UPP2: variants seen among roughly 807,000 people sequenced by gnomAD.
UPP2 encodes UPase 2.
Under a neutral mutation model 26.7 loss-of-function variants are expected in UPP2, and 23 were observed. That is an observed-to-expected ratio of 0.86 (90% CI 0.62 to 1.22). The LOEUF is 1.22. Ranked by LOEUF, UPP2 falls within the 50% of genes most tolerant of loss-of-function variation. The probability of loss-of-function intolerance (pLI) is 0.00; values close to 1 mark genes in which losing one functional copy is unlikely to be tolerated. For synonymous variants in UPP2, 127 were observed against 141.3 expected, an observed-to-expected ratio of 0.90 and a Z score of 0.72; for missense variants, 387 against 396.7, an observed-to-expected ratio of 0.98 and a Z score of 0.21.
At chr2:158,094,488 A>G (rs540483516) in intron 3 of UPP2, among the ~76,000 whole-genome samples, 3 of 152,358 alleles carry the variant, frequency 2.0e-5, no homozygotes, top group Non-Finnish European at 4.4e-5. Context: ...TTGAAAAGTC[A>G]TGACATGCCT....
At chr2:158,093,135 G>C (rs1030577945) in intron 3 of UPP2, among the ~76,000 whole-genome samples, 5 of 152,070 alleles carry the variant, frequency 3.3e-5, no homozygotes, top group Non-Finnish European at 5.9e-5. Flanking sequence ...TGGCTAGGCT[G>C]GTCTCAAACT....
chr2:158,124,578 C>T (rs191222539), intron 6 of UPP2, among the ~76,000 whole-genome samples: 5 of 152,192 alleles, frequency 3.3e-5, no homozygotes, highest in Admixed American at 1.3e-4. Flanking sequence ...TGGGAAGACC[C>T]GAATGGGGTC....
At chr2:158,075,340 AT>A (rs1682613667) in intron 3 of UPP2, among the ~76,000 whole-genome samples, 1 of 152,128 alleles carries the variant, frequency 6.6e-6, no homozygotes, top group South Asian at 2.1e-4. Context: ...TTTTAGTGTA[AT>A]AAAAATGTGA....
chr2:157,998,443 C>T (rs942498719), intron 2 of UPP2, among the ~76,000 whole-genome samples: 1 of 152,192 alleles, frequency 6.6e-6, no homozygotes, highest in Admixed American at 6.5e-5. Context: ...ATGTTGCCCA[C>T]TTAGATGGGC....
At chr2:158,015,334 A>G (rs1000170610) in intron 2 of UPP2, among the ~76,000 whole-genome samples, 4 of 152,198 alleles carry the variant, frequency 2.6e-5, no homozygotes, top group African/African-American at 9.7e-5. Context: ...ATCATACAGT[A>G]TTGATCTTTT....
intron 6 of UPP2, among the ~76,000 whole-genome samples, chr2:158,127,391 G>A (rs576888663): frequency 2.9e-4 from 44 of 152,112 alleles, no homozygotes; most frequent in Non-Finnish European, 4.3e-4. Flanking sequence ...GTTTGTCATT[G>A]CTGTATCCCC....
chr2:158,123,121 G>A (rs908360236), intron 5 of UPP2, among the ~76,000 whole-genome samples: 4 of 152,144 alleles, frequency 2.6e-5, no homozygotes, highest in African/African-American at 9.7e-5. Flanking sequence ...AAGGAGTAAT[G>A]ACATCAAGGT....
chr2:158,101,793 G>A (rs539169866), upstream of UPP2: 1 of 1,167,154 alleles, frequency 8.6e-7, no homozygotes, highest in African/African-American at 1.6e-5. Context: ...ACCTTCAAAG[G>A]GGGCCTATCT....
At chr2:158,008,325 A>G (rs1683525383) in intron 2 of UPP2, among the ~76,000 whole-genome samples, 1 of 152,204 alleles carries the variant, frequency 6.6e-6, no homozygotes, top group African/African-American at 2.4e-5. Context: ...GAGATCAATA[A>G]TTACCTTTTG....
intron 2 of UPP2, among the ~76,000 whole-genome samples, chr2:158,000,561 T>C (rs1200932524): frequency 6.6e-6 from 1 of 152,240 alleles, no homozygotes; most frequent in Non-Finnish European, 1.5e-5. Context: ...GATTTCTTGC[T>C]GGAGATGGCT....
At chr2:158,060,059 A>C (rs1008688292) in intron 3 of UPP2, among the ~76,000 whole-genome samples, 2 of 152,182 alleles carry the variant, frequency 1.3e-5, no homozygotes, top group African/African-American at 2.4e-5. Context: ...CGCTATTTTC[A>C]ACCACATCTG....
chr2:158,127,066 C>T (rs1221041996), intron 6 of UPP2, among the ~76,000 whole-genome samples: 1 of 152,200 alleles, frequency 6.6e-6, no homozygotes. Context: ...TGGACCATTG[C>T]AGAAACAGAT....
intron 2 of UPP2, among the ~76,000 whole-genome samples, chr2:158,002,046 CG>C (rs1337880639): frequency 3.4e-5 from 5 of 147,434 alleles, no homozygotes; most frequent in African/African-American, 1.2e-4. Flanking sequence ...GCTACGGGGG[CG>C]GGGGCTTCAC....
chr2:158,038,502 T>C (rs1193680909), intron 3 of UPP2, among the ~76,000 whole-genome samples: 1 of 152,270 alleles, frequency 6.6e-6, no homozygotes, highest in African/African-American at 2.4e-5. Flanking sequence ...TGGAATGATA[T>C]ATATTTTGTA....
At chr2:158,062,222 T>C (rs1264517182) in intron 3 of UPP2, among the ~76,000 whole-genome samples, 1 of 152,248 alleles carries the variant, frequency 6.6e-6, no homozygotes, top group African/African-American at 2.4e-5. Flanking sequence ...TGCAGTAGTC[T>C]TGAGCCATAC....
At chr2:158,096,013 T>A (rs1439676262) in intron 3 of UPP2, among the ~76,000 whole-genome samples, 4 of 152,160 alleles carry the variant, frequency 2.6e-5, no homozygotes, top group African/African-American at 9.7e-5. Context: ...TGAAGTCAAG[T>A]ACATGCAGAA....
chr2:158,076,920 C>A (rs1682639365), intron 3 of UPP2, among the ~76,000 whole-genome samples: 1 of 151,996 alleles, frequency 6.6e-6, no homozygotes, highest in African/African-American at 2.4e-5. Context: ...TTTGGAAAAA[C>A]CTAAAAACTC....
intron 6 of UPP2, chr2:158,128,135 G>A (rs1683732756): frequency 1.9e-6 from 1 of 535,852 alleles, no homozygotes; most frequent in East Asian, 1.5e-4. Flanking sequence ...TCTACGCTTA[G>A]GTTCTGCTTA....
At chr2:158,099,322 T>C (rs1683034578), upstream of UPP2, among the ~76,000 whole-genome samples, 1 of 152,136 alleles carries the variant, frequency 6.6e-6, no homozygotes, top group Admixed American at 6.5e-5. Context: ...TTTTTGGAGC[T>C]CTCTCAAGCC....
Sources: allele counts gnomAD v4.1 joint callset (sites outside exome capture counted in the v4.1 genomes callset), GRCh38; gene constraint gnomAD v4.1.1; transcripts MANE v1.5; gene names NCBI Gene and HGNC (gene_info 2026-07-23, HGNC 2026-07-21).